B4GALT5: variants seen among roughly 807,000 people sequenced by gnomAD.
B4GALT5 encodes beta-1,4-galactosyltransferase 5.
In B4GALT5, 11 loss-of-function variants were observed where a neutral mutation model predicts 45.0. The observed-to-expected ratio is 0.24, with a 90% CI of 0.15 to 0.40. B4GALT5 has a LOEUF of 0.40. Among genes scored for constraint, B4GALT5 ranks in the 10% least tolerant of loss-of-function variants. The pLI is 1.00. For missense variants in B4GALT5, 337 were observed against 500.2 expected, an observed-to-expected ratio of 0.67 and a Z score of 3.11; for synonymous variants, 185 against 182.9, an observed-to-expected ratio of 1.01 and a Z score of -0.09.
chr20:49,705,864 G>A (rs1434960239), intron 1 of B4GALT5, among the ~76,000 whole-genome samples: 1 of 151,834 alleles, frequency 6.6e-6, no homozygotes, highest in Non-Finnish European at 1.5e-5. Flanking sequence ...GAGACCAAGA[G>A]GGCACCTCCT....
intron 1 of B4GALT5, among the ~76,000 whole-genome samples, chr20:49,712,842 G>GA (rs1171590581): frequency 6.7e-6 from 1 of 148,990 alleles, no homozygotes; most frequent in East Asian, 2.0e-4. Context: ...CGAGGTGGGG[G>GA]GGGGGGAGAT....
intron 1 of B4GALT5, among the ~76,000 whole-genome samples, chr20:49,667,064 C>T (rs973539161): frequency 1.3e-5 from 2 of 152,116 alleles, no homozygotes; most frequent in Non-Finnish European, 2.9e-5. Flanking sequence ...GGTCTGAATA[C>T]GCAATCTGAC....
At chr20:49,686,237 G>A (rs547486490) in intron 1 of B4GALT5, among the ~76,000 whole-genome samples, 1 of 152,094 alleles carries the variant, frequency 6.6e-6, no homozygotes, top group Non-Finnish European at 1.5e-5. Flanking sequence ...CTCTAATTCT[G>A]ATCTCTTTAT....
intron 1 of B4GALT5, among the ~76,000 whole-genome samples, chr20:49,706,645 C>T (rs1188962817): frequency 1.3e-5 from 2 of 152,164 alleles, no homozygotes; most frequent in African/African-American, 4.8e-5. Context: ...CCTTTATTGG[C>T]TACTAGAAAG....
intron 1 of B4GALT5, among the ~76,000 whole-genome samples, chr20:49,712,848 G>GGA (rs2085922076): frequency 8.4e-6 from 1 of 119,166 alleles, no homozygotes; most frequent in African/African-American, 3.3e-5. Flanking sequence ...GGGGGGGGGG[G>GGA]AGATGGGGAA....
intron 1 of B4GALT5, among the ~76,000 whole-genome samples, chr20:49,678,884 A>G (rs188246170): frequency 9.2e-5 from 14 of 152,282 alleles, no homozygotes; most frequent in Non-Finnish European, 2.1e-4. Flanking sequence ...TAGTGCTGTT[A>G]CTGGTAATGG....
At chr20:49,711,303 G>A (rs946916924) in intron 1 of B4GALT5, among the ~76,000 whole-genome samples, 5 of 152,126 alleles carry the variant, frequency 3.3e-5, no homozygotes, top group African/African-American at 1.2e-4. Flanking sequence ...GTAGCACATC[G>A]CTTTACACAG....
chr20:49,668,924 C>A (rs1220057639), intron 1 of B4GALT5, among the ~76,000 whole-genome samples: 3 of 152,114 alleles, frequency 2.0e-5, no homozygotes, highest in Non-Finnish European at 2.9e-5. Context: ...TGCAGTGGCA[C>A]AAACACAGCT....
intron 2 of B4GALT5, among the ~76,000 whole-genome samples, chr20:49,647,484 T>C (rs768299470): frequency 1.6e-4 from 25 of 152,130 alleles, no homozygotes; most frequent in African/African-American, 5.3e-4. Flanking sequence ...GATGTTTCTG[T>C]TTTCAGTCTT....
chr20:49,661,401 A>AT (rs2085664324), intron 1 of B4GALT5, among the ~76,000 whole-genome samples: 1 of 151,972 alleles, frequency 6.6e-6, no homozygotes, highest in African/African-American at 2.4e-5. Context: ...TGCCCAGCTA[A>AT]TTTTTTGTAT....
At chr20:49,686,579 C>T (rs139425638) in intron 1 of B4GALT5, among the ~76,000 whole-genome samples, 23 of 152,000 alleles carry the variant, frequency 1.5e-4, no homozygotes, top group African/African-American at 5.3e-4. Flanking sequence ...AATTTACCAT[C>T]AAATTGTCAG....
At chr20:49,654,554 A>G (rs1218160760) in intron 2 of B4GALT5, among the ~76,000 whole-genome samples, 1 of 152,232 alleles carries the variant, frequency 6.6e-6, no homozygotes, top group East Asian at 1.9e-4. Context: ...AGTGGACGGC[A>G]AAGGAAACTG....
rs1230314553 is a variant in B4GALT5, at chr20:49,713,763, C to G, written c.-73G>C. On this transcript the variant is annotated 5_prime_UTR_variant, in exon 1 of 9. Coordinates refer to ENST00000371711, the MANE Select transcript of B4GALT5 (RefSeq NM_004776.4). ...AGCTCCCCGTCCGCCGCCTCCTGGG[C>G]CGCCGCCGCCACCGCCTGGGCCTCG... The G allele has an allele frequency of 3.3e-5, 13 of 390,522 alleles. No homozygotes were observed. The highest frequency in any genetic ancestry group is 4.9e-5 in the Non-Finnish European group (13 of 265,778). The allele number at this position is 390,522 out of a possible 1,614,324, so 24.2% of individuals were successfully genotyped here.
rs753823769 is a variant in B4GALT5 at position 49,656,720 on chromosome 20, G to C, written c.116-18C>G. On this transcript the variant is annotated intron_variant, in intron 1 of 8. Transcript: ENST00000371711. ...GGTGTTCACTGCAGAAAGCAAAAAG[G>C]GGAAAAAGAGGTGGATTCAGAAGCA... 1.2e-6 allele frequency: 2 copies of C among 1,613,552 alleles called. No homozygotes were observed. Among genetic ancestry groups the C allele is most frequent in the East Asian group, 2.2e-5 (1 of 44,868 alleles).
chr20:49,637,321 C>G lies in B4GALT5; in HGVS notation c.1019+20G>C. The G allele has an allele frequency of 6.3e-7, 1 of 1,589,238 alleles. No homozygotes were observed. Among genetic ancestry groups the G allele is most frequent in the Non-Finnish European group, 8.6e-7 (1 of 1,157,436 alleles). ...AAGTATAGGGGATACTTCTAAGAGA[C>G]AGAGATAAATTCCACCAACCTTCCA... is the stretch of plus-strand genomic sequence containing the variant. On this transcript the variant is annotated intron_variant, in intron 8 of 8. Coordinates refer to ENST00000371711, the MANE Select transcript of B4GALT5 (RefSeq NM_004776.4).
chr20:49,647,258 A>G (rs1157499341), intron 2 of B4GALT5, among the ~76,000 whole-genome samples, 180 bp from the exon 3 acceptor site: 1 of 152,202 alleles, frequency 6.6e-6, no homozygotes, highest in Non-Finnish European at 1.5e-5. Flanking sequence ...TGTCAGCCAA[A>G]TGGCAGATTT....
At chr20:49,675,598 T>C (rs2085733923) in intron 1 of B4GALT5, among the ~76,000 whole-genome samples, 1 of 152,110 alleles carries the variant, frequency 6.6e-6, no homozygotes. Flanking sequence ...AGCAATGCAC[T>C]AGGGGCTCGG....
Position 49,636,907 on chromosome 20 carries a change from G to GGCACACACAC in B4GALT5, c.1019+433_1019+434insGTGTGTGTGC, listed in dbSNP as rs1555810739. Among the ~76,000 whole-genome samples, 31 of 146,494 alleles carry GGCACACACAC rather than the reference G, an allele frequency of 2.1e-4. No individual in the cohort carries two copies. In the South Asian group the frequency reaches 6.7e-3, roughly 32 times the overall value. On this transcript the variant is annotated intron_variant, in intron 8 of 8. Transcript: ENST00000371711. ...ACAGTCTTCCCCACAATTTAGAAAA[G>GGCACACACAC]ACACACACACACACACACACACACA...
At chr20:49,711,615 G>C (rs970810025) in intron 1 of B4GALT5, among the ~76,000 whole-genome samples, 4 of 152,132 alleles carry the variant, frequency 2.6e-5, no homozygotes, top group Admixed American at 2.6e-4. Flanking sequence ...TCTTTTCTCA[G>C]TTAATTCCAC....
Sources: allele counts gnomAD v4.1 joint callset (sites outside exome capture counted in the v4.1 genomes callset), GRCh38; gene constraint gnomAD v4.1.1; transcripts MANE v1.5; gene names NCBI Gene and HGNC (gene_info 2026-07-23, HGNC 2026-07-21).